The following ATL2 variants were observed in gnomAD, a reference collection of about 807,000 sequenced individuals.
ATL2 encodes atlastin-2.
A neutral mutation model predicts 73.9 loss-of-function variants in ATL2; 31 were observed. That is an observed-to-expected ratio of 0.42 (90% CI 0.32 to 0.57). ATL2 has a LOEUF of 0.57. ATL2 is among the 20% of genes least tolerant of loss of function. The probability of loss-of-function intolerance (pLI) is 0.14; values close to 1 mark genes in which losing one functional copy is unlikely to be tolerated. For synonymous variants in ATL2, 291 were observed against 237.5 expected, an observed-to-expected ratio of 1.23 and a Z score of -2.07; for missense variants, 738 against 702.6, an observed-to-expected ratio of 1.05 and a Z score of -0.57.
Position 38,310,467 on chromosome 2 carries a change from G to A in ATL2, c.805-20C>T. Reference sequence around the variant, plus strand: ...TTTTACCTGAGGGCGGAGAGAGACAGGTGAAATTGTAAACAGAAGAAAGAA... The same window carrying A: ...TTTTACCTGAGGGCGGAGAGAGACAAGTGAAATTGTAAACAGAAGAAAGAA... On this transcript the variant is annotated intron_variant, in intron 7 of 12. Coordinates refer to ENST00000378954, the MANE Select transcript of ATL2 (RefSeq NM_001135673.4). 3 of 1,575,150 alleles carry A rather than the reference G, an allele frequency of 1.9e-6. No homozygotes were observed. The highest frequency in any genetic ancestry group is 2.6e-6 in the Non-Finnish European group (3 of 1,164,564).
chr2:38,334,520 G>A (rs1193750491), intron 2 of ATL2, among the ~76,000 whole-genome samples: 2 of 151,728 alleles, frequency 1.3e-5, no homozygotes, highest in South Asian at 4.2e-4. Flanking sequence ...TCAACATGGA[G>A]AAACCCCATC....
chr2:38,298,938 T>G (rs1161255337), intron 11 of ATL2, among the ~76,000 whole-genome samples: 2 of 152,170 alleles, frequency 1.3e-5, no homozygotes, highest in African/African-American at 4.8e-5. Flanking sequence ...AGCAAGCAAG[T>G]ACAGAAACTG....
At chr2:38,355,711 T>G (rs1573561873) in intron 1 of ATL2, among the ~76,000 whole-genome samples, 1 of 151,000 alleles carries the variant, frequency 6.6e-6, no homozygotes, top group Non-Finnish European at 1.5e-5. Context: ...TTCTTTTTTT[T>G]TTTTTTTTCT....
At chr2:38,362,700 A>G (rs1671079996) in intron 1 of ATL2, among the ~76,000 whole-genome samples, 1 of 152,382 alleles carries the variant, frequency 6.6e-6, no homozygotes, top group African/African-American at 2.4e-5. Context: ...CAGATTCAGT[A>G]GTAAAACAAA....
chr2:38,299,191 ATT>A (rs954196375), intron 11 of ATL2, 63 bp downstream of exon 11: 356 of 992,552 alleles, frequency 3.6e-4, no homozygotes, highest in Middle Eastern at 7.2e-4. Context: ...AATTTTTTTA[ATT>A]TTTTTTTTTT....
At chr2:38,370,665 G>A (rs1486270612) in intron 1 of ATL2, among the ~76,000 whole-genome samples, 2 of 152,018 alleles carry the variant, frequency 1.3e-5, no homozygotes, top group Non-Finnish European at 2.9e-5. Context: ...TACTTGGGAG[G>A]CTGGGGCAGA....
chr2:38,375,112 A>G lies in ATL2; in HGVS notation c.118+2031T>C, dbSNP rs116046689. ...CTAAAGATCCTACATTCCTAAAAGA[A>G]TAAACACAAAGCCTCTCCCTAACAC... On this transcript the variant is annotated intron_variant, in intron 1 of 12. Coordinates refer to ENST00000378954, the MANE Select transcript of ATL2 (RefSeq NM_001135673.4). 9.4e-3 allele frequency among the ~76,000 whole-genome samples: 1,433 copies of G among 152,328 alleles called. 29 individuals carry two copies. Among genetic ancestry groups the G allele is most frequent in the African/African-American group, 0.032 (1,347 of 41,568 alleles).
chr2:38,365,729 G>A (rs1352346294), intron 1 of ATL2, among the ~76,000 whole-genome samples: 1 of 152,140 alleles, frequency 6.6e-6, no homozygotes, highest in Non-Finnish European at 1.5e-5. Context: ...AACCCTGGAA[G>A]CAGAGGTTGT....
chr2:38,345,273 C>T (rs970426889), intron 1 of ATL2, among the ~76,000 whole-genome samples: 1 of 152,160 alleles, frequency 6.6e-6, no homozygotes, highest in African/African-American at 2.4e-5. Flanking sequence ...GAAAGCCAGT[C>T]CACTAAGGCG....
chr2:38,360,180 T>C (rs1670927398), intron 1 of ATL2, among the ~76,000 whole-genome samples: 1 of 150,858 alleles, frequency 6.6e-6, no homozygotes, highest in South Asian at 2.1e-4. Context: ...ATTTGGTATT[T>C]TAAATGACGT....
In ATL2 at chr2:38,294,347, G is replaced by T. The variant is rs910196661; in HGVS notation, c.*1647C>A. On this transcript the variant is annotated 3_prime_UTR_variant, in exon 13 of 13. Coordinates refer to ENST00000378954, the MANE Select transcript of ATL2 (RefSeq NM_001135673.4). The stretch of plus-strand genomic sequence containing the variant: ...GCGGATCACAAGGTCAGGCGATTGA[G>T]ACCATCCTGGCTAAAACGGTGAAAC... Among the ~76,000 whole-genome samples the T allele has an allele frequency of 6.6e-6, 1 of 152,232 alleles. No homozygotes were observed. Among genetic ancestry groups the T allele is most frequent in the Non-Finnish European group, 1.5e-5 (1 of 68,040 alleles).
chr2:38,314,787 T>G (rs532989277), intron 5 of ATL2, 123 bp from the exon 6 acceptor site: 1 of 624,604 alleles, frequency 1.6e-6, no homozygotes, highest in African/African-American at 1.9e-5. Flanking sequence ...GCCAAACATT[T>G]AATTTTCTAA....
intron 2 of ATL2, among the ~76,000 whole-genome samples, chr2:38,329,423 CAAAAAAAA>C (rs70954711): frequency 1.5e-3 from 21 of 13,668 alleles, no homozygotes; most frequent in South Asian, 0.01. Flanking sequence ...ACTCCATCTC[CAAAAAAAA>C]AAAAAAAAAA....
At chr2:38,336,942 T>C (rs1669391131) in intron 2 of ATL2, among the ~76,000 whole-genome samples, 1 of 152,172 alleles carries the variant, frequency 6.6e-6, no homozygotes, top group African/African-American at 2.4e-5. Flanking sequence ...AACTTGAGTC[T>C]GATGAAGTCT....
chr2:38,376,214 C>G, intron 1 of ATL2: 1 of 1,502,890 alleles, frequency 6.7e-7, no homozygotes, highest in East Asian at 2.5e-5. Context: ...GCGATCAATT[C>G]GCACCACAGT....
intron 1 of ATL2, among the ~76,000 whole-genome samples, chr2:38,365,461 C>T (rs1671265859): frequency 6.6e-6 from 1 of 151,986 alleles, no homozygotes; most frequent in African/African-American, 2.4e-5. Context: ...TCAAGGCCAG[C>T]CTTGGCAACA....
chr2:38,332,650 A>T (rs1669067381), intron 2 of ATL2, among the ~76,000 whole-genome samples: 1 of 152,218 alleles, frequency 6.6e-6, no homozygotes, highest in African/African-American at 2.4e-5. Flanking sequence ...AAAAACAAAA[A>T]ATCAAATACC....
At chr2:38,325,156 C>T (rs1185804346) in intron 2 of ATL2, among the ~76,000 whole-genome samples, 5 of 152,224 alleles carry the variant, frequency 3.3e-5, no homozygotes, top group Non-Finnish European at 5.9e-5. Flanking sequence ...TTCCATTGGA[C>T]TTCCAGTGTC....
intron 1 of ATL2, among the ~76,000 whole-genome samples, chr2:38,374,946 C>G (rs533731345): frequency 6.6e-6 from 1 of 152,170 alleles, no homozygotes; most frequent in African/African-American, 2.4e-5. Context: ...TTTCTTTTCC[C>G]TATAATATCT....
Sources: gnomAD v4.1 joint callset for allele counts (sites outside exome capture counted in the v4.1 genomes callset) on GRCh38, gnomAD v4.1.1 for gene constraint, MANE v1.5 for transcripts, NCBI Gene and HGNC (gene_info 2026-07-23, HGNC 2026-07-21) for gene names.